Variants in RBMS3 observed in about 807,000 individuals in gnomAD.
RBMS3 encodes RNA binding motif single stranded interacting protein 3, also known as RNA-binding motif, single-stranded-interacting protein 3.
RBMS3 carries 27 observed loss-of-function variants against 66.8 expected under a neutral mutation model. The observed-to-expected ratio is 0.40, with a 90% CI of 0.30 to 0.56. The LOEUF (loss-of-function observed/expected upper bound fraction) is 0.56, where lower values mean the gene tolerates loss of function less well. RBMS3 is among the 20% of genes least tolerant of loss of function. The pLI is 0.40. For synonymous variants in RBMS3, 188 were observed against 183.0 expected, an observed-to-expected ratio of 1.03 and a Z score of -0.22; for missense variants, 513 against 549.5, an observed-to-expected ratio of 0.93 and a Z score of 0.66.
chr3:29,395,849 C>T (rs1014728904), intron 1 of RBMS3, among the ~76,000 whole-genome samples: 1 of 152,068 alleles, frequency 6.6e-6, no homozygotes, highest in African/African-American at 2.4e-5. Context: ...CTTGGCTTCC[C>T]ACATAAATAA....
chr3:29,426,499 T>C (rs1165459772), intron 1 of RBMS3, among the ~76,000 whole-genome samples: 22 of 152,232 alleles, frequency 1.4e-4, no homozygotes, highest in Admixed American at 1.4e-3. Flanking sequence ...TGTGTGATTA[T>C]GCAATCTGCT....
chr3:29,792,534 T>C (rs897673329), intron 6 of RBMS3, among the ~76,000 whole-genome samples: 2 of 152,132 alleles, frequency 1.3e-5, no homozygotes, highest in African/African-American at 4.8e-5. Flanking sequence ...AGCCAGACTA[T>C]CTAGATCAGA....
intron 4 of RBMS3, among the ~76,000 whole-genome samples, chr3:29,597,001 A>G (rs756453384): frequency 2.6e-5 from 4 of 152,178 alleles, no homozygotes; most frequent in South Asian, 2.1e-4. Flanking sequence ...CAATGGTTCA[A>G]TTTAATCCTT....
intron 4 of RBMS3, among the ~76,000 whole-genome samples, chr3:29,653,292 A>G (rs957161838): frequency 1.3e-5 from 2 of 152,190 alleles, no homozygotes; most frequent in African/African-American, 4.8e-5. Flanking sequence ...CTTATATTGC[A>G]TGGTTGTTTT....
intron 6 of RBMS3, among the ~76,000 whole-genome samples, chr3:29,771,682 G>T (rs1485551172): frequency 1.3e-5 from 2 of 151,972 alleles, no homozygotes; most frequent in Non-Finnish European, 2.9e-5. Context: ...TTATAAAAAA[G>T]AGAAGTTTAG....
At chr3:29,492,481 C>T (rs191000690) in intron 3 of RBMS3, among the ~76,000 whole-genome samples, 13 of 151,996 alleles carry the variant, frequency 8.6e-5, no homozygotes, top group Non-Finnish European at 1.3e-4. Context: ...TTGGAATTGC[C>T]AAGAAATGAA....
intron 3 of RBMS3, among the ~76,000 whole-genome samples, chr3:29,492,961 T>A (rs1447153024): frequency 6.6e-6 from 1 of 152,192 alleles, no homozygotes; most frequent in East Asian, 1.9e-4. Flanking sequence ...AAAGTCAGTA[T>A]GGAAACAGCA....
chr3:29,484,129 A>G (rs767587601), intron 2 of RBMS3, among the ~76,000 whole-genome samples: 2 of 152,230 alleles, frequency 1.3e-5, no homozygotes, highest in Non-Finnish European at 2.9e-5. Context: ...CTTGGAAGGG[A>G]CAAGTGCAAA....
intron 11 of RBMS3, among the ~76,000 whole-genome samples, chr3:29,941,844 A>G (rs937474256): frequency 2.6e-5 from 4 of 151,858 alleles, no homozygotes; most frequent in African/African-American, 9.7e-5. Flanking sequence ...ATCCCATCAA[A>G]TAAAGCTATC....
chr3:29,915,540 G>C (rs914170231), intron 10 of RBMS3, among the ~76,000 whole-genome samples: 4 of 151,576 alleles, frequency 2.6e-5, no homozygotes, highest in Non-Finnish European at 5.9e-5. Context: ...TTAAGAATCC[G>C]TAACAGTATG....
chr3:29,745,587 A>G (rs2054853103), intron 5 of RBMS3, among the ~76,000 whole-genome samples: 1 of 151,934 alleles, frequency 6.6e-6, no homozygotes, highest in South Asian at 2.1e-4. Flanking sequence ...TGGGGAAGTG[A>G]TGGGTGGGGG....
chr3:29,551,788 C>CT (rs1559462036), intron 3 of RBMS3, among the ~76,000 whole-genome samples: 1 of 152,122 alleles, frequency 6.6e-6, no homozygotes, highest in Non-Finnish European at 1.5e-5. Flanking sequence ...AGTGTACCAA[C>CT]ATAAAGTAAA....
intron 4 of RBMS3, among the ~76,000 whole-genome samples, chr3:29,658,948 G>A (rs967983450): frequency 1.1e-4 from 17 of 152,110 alleles, no homozygotes; most frequent in Admixed American, 6.5e-4. Flanking sequence ...TCAGCCTCCC[G>A]AGTAGCTGGG....
At chr3:29,445,148 A>G (rs1038629811) in intron 2 of RBMS3, among the ~76,000 whole-genome samples, 5 of 152,042 alleles carry the variant, frequency 3.3e-5, no homozygotes, top group Non-Finnish European at 7.4e-5. Flanking sequence ...TAATATAAAA[A>G]TGATTTTATT....
intron 6 of RBMS3, among the ~76,000 whole-genome samples, chr3:29,805,705 T>C (rs1165353652): frequency 6.6e-6 from 1 of 152,086 alleles, no homozygotes; most frequent in African/African-American, 2.4e-5. Flanking sequence ...GAAAATTTTT[T>C]TGTACAGCTG....
intron 6 of RBMS3, among the ~76,000 whole-genome samples, chr3:29,856,658 A>T (rs2059084460): frequency 6.6e-6 from 1 of 152,228 alleles, no homozygotes; most frequent in Admixed American, 6.5e-5. Context: ...ACAGCTATTC[A>T]ACCTTCTCCT....
chr3:29,652,590 A>G (rs1341282219), intron 4 of RBMS3, among the ~76,000 whole-genome samples: 1 of 152,088 alleles, frequency 6.6e-6, no homozygotes, highest in Non-Finnish European at 1.5e-5. Context: ...CAGAGACAAA[A>G]TTAAAATTTC....
intron 6 of RBMS3, among the ~76,000 whole-genome samples, chr3:29,864,970 AAGGG>A (rs540883373): frequency 0.018 from 1,784 of 96,532 alleles, 29 homozygotes; most frequent in Non-Finnish European, 0.028. Context: ...GAAAGGAAGG[AAGGG>A]AGGGAGGGAG....
intron 6 of RBMS3, among the ~76,000 whole-genome samples, chr3:29,848,082 T>C (rs974556340): frequency 6.6e-6 from 1 of 152,188 alleles, no homozygotes; most frequent in Non-Finnish European, 1.5e-5. Context: ...GGTATCCCCC[T>C]AAGTCTCTGA....
Sources: allele counts gnomAD v4.1 joint callset (sites outside exome capture counted in the v4.1 genomes callset), GRCh38; gene constraint gnomAD v4.1.1; transcripts MANE v1.5; gene names NCBI Gene and HGNC (gene_info 2026-07-23, HGNC 2026-07-21).